PREX1: variants seen among roughly 807,000 people sequenced by gnomAD.
The protein encoded by PREX1 is phosphatidylinositol 3,4,5-trisphosphate-dependent Rac exchanger 1 protein.
A neutral mutation model predicts 198.3 loss-of-function variants in PREX1; 41 were observed. That is an observed-to-expected ratio of 0.21 (90% CI 0.16 to 0.27). PREX1 has a LOEUF of 0.27. Ranked by LOEUF, PREX1 falls within the 10% of genes least tolerant of loss-of-function variation. The pLI is 1.00. For missense variants in PREX1, 1,620 were observed against 2,200.7 expected (o/e 0.74, Z 5.28); for synonymous variants, 843 against 887.2 (o/e 0.95, Z 0.89).
intron 30 of PREX1, 83 bp downstream of exon 30, chr20:48,639,677 AGAACTG>A: frequency 6.5e-7 from 1 of 1,538,618 alleles, no homozygotes; most frequent in Non-Finnish European, 8.8e-7. Context: ...CAGGGGTCAC[AGAACTG>A]GATCCATTCC....
intron 1 of PREX1, among the ~76,000 whole-genome samples, chr20:48,786,138 G>A (rs987214084): frequency 5.3e-5 from 8 of 152,102 alleles, no homozygotes; most frequent in Non-Finnish European, 7.4e-5. Flanking sequence ...GGGGTGAGTC[G>A]GGGAGGTGAG....
At chr20:48,643,830 C>G (rs1198975726) in intron 27 of PREX1, among the ~76,000 whole-genome samples, 2 of 152,292 alleles carry the variant, frequency 1.3e-5, no homozygotes, top group South Asian at 4.1e-4. Flanking sequence ...CGTGCACCAC[C>G]ACACCCAGCT....
the PREX1 span, among the ~76,000 whole-genome samples, chr20:48,873,111 C>G: frequency 3.3e-5 from 5 of 152,184 alleles, no homozygotes; most frequent in African/African-American, 1.2e-4. Flanking sequence ...CCATTGGACT[C>G]AGCTCTGATC....
chr20:48,844,803 T>G, the PREX1 span, among the ~76,000 whole-genome samples: 5 of 152,198 alleles, frequency 3.3e-5, no homozygotes, highest in Non-Finnish European at 7.3e-5. Context: ...TAAAACACAT[T>G]GGGTTCAGTC....
chr20:48,658,987 G>A (rs140867792), intron 16 of PREX1, among the ~76,000 whole-genome samples: 28 of 152,096 alleles, frequency 1.8e-4, no homozygotes, highest in African/African-American at 6.7e-4. Context: ...CCAGCACTTT[G>A]GGAGGCCGAG....
At chr20:48,712,024 C>A (rs191032951) in intron 5 of PREX1, among the ~76,000 whole-genome samples, 1 of 152,204 alleles carries the variant, frequency 6.6e-6, no homozygotes, top group Non-Finnish European at 1.5e-5. Flanking sequence ...TAAGCTTAGA[C>A]GTTGTTTAAG....
At chr20:48,667,553 A>C (rs2089648062) in intron 14 of PREX1, among the ~76,000 whole-genome samples, 1 of 152,192 alleles carries the variant, frequency 6.6e-6, no homozygotes, top group Non-Finnish European at 1.5e-5. Context: ...CCCTGGAACC[A>C]CCTAGCTCCA....
chr20:48,667,146 T>G (rs1388070936), intron 14 of PREX1, among the ~76,000 whole-genome samples: 1 of 152,178 alleles, frequency 6.6e-6, no homozygotes, highest in Non-Finnish European at 1.5e-5. Context: ...GACTACAAGG[T>G]GCCCTCATGG....
At chr20:48,864,733 C>T in the PREX1 span, among the ~76,000 whole-genome samples, 6 of 152,208 alleles carry the variant, frequency 3.9e-5, no homozygotes, top group Non-Finnish European at 8.8e-5. Flanking sequence ...CACCTTCTTA[C>T]GCCTTTGTGT....
chr20:48,637,382 C>T (rs1171436297), intron 31 of PREX1, among the ~76,000 whole-genome samples: 1 of 152,226 alleles, frequency 6.6e-6, no homozygotes, highest in Non-Finnish European at 1.5e-5. Flanking sequence ...CCTCCCCCTT[C>T]CTCTTCCCCA....
At chr20:48,670,615 G>T (rs921546325) in intron 14 of PREX1, among the ~76,000 whole-genome samples, 2 of 152,186 alleles carry the variant, frequency 1.3e-5, no homozygotes, top group African/African-American at 4.8e-5. Flanking sequence ...TCAAAGCCCC[G>T]CTCTGCCCTG....
the PREX1 span, among the ~76,000 whole-genome samples, chr20:48,839,754 C>T: frequency 6.6e-6 from 1 of 152,272 alleles, no homozygotes; most frequent in East Asian, 1.9e-4. Flanking sequence ...CTAGTGCTGG[C>T]CCATGAAATT....
chr20:48,838,023 C>T, the PREX1 span, among the ~76,000 whole-genome samples: 1 of 152,142 alleles, frequency 6.6e-6, no homozygotes, highest in Non-Finnish European at 1.5e-5. Context: ...TTATACAGAG[C>T]TCAAAAGCAG....
chr20:48,734,804 C>T (rs2090049943), intron 3 of PREX1, among the ~76,000 whole-genome samples, 154 bp from the exon 4 acceptor site: 1 of 152,182 alleles, frequency 6.6e-6, no homozygotes, highest in Non-Finnish European at 1.5e-5. Flanking sequence ...AGCGGCTCCA[C>T]TCACTACCAG....
intron 1 of PREX1, among the ~76,000 whole-genome samples, chr20:48,768,504 C>T (rs2090219292): frequency 6.6e-6 from 1 of 152,180 alleles, no homozygotes; most frequent in Non-Finnish European, 1.5e-5. Flanking sequence ...GTTAGAAAAG[C>T]CGTCACTCGG....
rs562798574 is a variant in PREX1 at position 48,824,671 on chromosome 20, A to G, written c.219+2971T>C. Among the ~76,000 whole-genome samples the G allele has an allele frequency of 2.0e-5, 3 of 152,318 alleles. No homozygotes were observed. In the East Asian group the frequency reaches 5.8e-4, roughly 29 times the overall value. On this transcript the variant is annotated intron_variant, in intron 1 of 39. Coordinates refer to ENST00000371941, the MANE Select transcript of PREX1 (RefSeq NM_020820.4). ...ACCTATTAACATCCCTCTTTTTACAAATAAGGCTCAAACAGGTTAAGGTGT... is the reference window on the plus strand; with the variant it reads ...ACCTATTAACATCCCTCTTTTTACAGATAAGGCTCAAACAGGTTAAGGTGT...
At chr20:48,664,522 G>A (rs2122958396) in intron 15 of PREX1, among the ~76,000 whole-genome samples, 1 of 152,326 alleles carries the variant, frequency 6.6e-6, no homozygotes, top group Non-Finnish European at 1.5e-5. Flanking sequence ...AGGCAGGCAG[G>A]GCACCCTGGC....
intron 33 of PREX1, 142 bp downstream of exon 33, chr20:48,634,534 A>G (rs6095220): frequency 9.0e-4 from 595 of 659,716 alleles, no homozygotes; most frequent in Middle Eastern, 6.9e-3. Context: ...TGTTGGAGGC[A>G]TGAGGTTTGA....
chr20:48,636,743 A>C, intron 31 of PREX1, 60 bp from the exon 32 acceptor site: 1 of 1,432,848 alleles, frequency 7.0e-7, no homozygotes, highest in Non-Finnish European at 9.4e-7. Context: ...CAGGAGGCCC[A>C]CCCCCCAAAA....
Sources: gnomAD v4.1 joint callset for allele counts (sites outside exome capture counted in the v4.1 genomes callset) on GRCh38, gnomAD v4.1.1 for gene constraint, MANE v1.5 for transcripts, NCBI Gene and HGNC (gene_info 2026-07-23, HGNC 2026-07-21) for gene names.